EML2: variants seen among roughly 807,000 people sequenced by gnomAD.
EML2 encodes EMAP like 2, also known as echinoderm microtubule-associated protein-like 2.
In EML2, 59 loss-of-function variants were observed where a neutral mutation model predicts 84.7. The ratio of observed to expected loss-of-function variants is 0.70; its 90% confidence interval spans 0.56 to 0.86. The LOEUF is 0.86. Ranked by LOEUF, EML2 falls within the 40% of genes least tolerant of loss-of-function variation. The pLI is 0.00. For missense variants in EML2, 818 were observed against 855.6 expected (o/e 0.96, Z 0.55); for synonymous variants, 352 against 348.9 (o/e 1.01, Z -0.10).
At chr19:45,634,289 G>A in intron 4 of EML2, 33 bp downstream of exon 4, 1 of 1,611,610 alleles carries the variant, frequency 6.2e-7, no homozygotes, top group Non-Finnish European at 8.5e-7. Flanking sequence ...TCCAGCCACA[G>A]CTCCCTCCCG....
chr19:45,618,109 G>C lies in EML2; in HGVS notation c.1255-412C>G, dbSNP rs754927057. ...GATGGAGTTTCACTCTGTTGCCCAG[G>C]CTGGAGTGCAGTGGCACGGTCTCAG... On this transcript the variant is annotated intron_variant, in intron 12 of 18. Transcript: ENST00000245925. Among the ~76,000 whole-genome samples, 18 of 151,962 alleles carry C rather than the reference G, an allele frequency of 1.2e-4. No individual in the cohort carries two copies. The South Asian group carries it at 1.2e-3, about 11-fold the overall frequency.
At chr19:45,629,765 T>C (rs1486493017) in intron 7 of EML2, among the ~76,000 whole-genome samples, 186 bp downstream of exon 7, 1 of 151,718 alleles carries the variant, frequency 6.6e-6, no homozygotes, top group Non-Finnish European at 1.5e-5. Flanking sequence ...CAGCCTATTA[T>C]CCCCATATTA....
intron 7 of EML2, among the ~76,000 whole-genome samples, chr19:45,629,076 C>T (rs1314085007): frequency 1.3e-5 from 2 of 152,178 alleles, no homozygotes; most frequent in East Asian, 1.9e-4. Flanking sequence ...CCCATATCTC[C>T]ATATCCTCAC....
intron 4 of EML2, 99 bp downstream of exon 4, chr19:45,634,223 C>T: frequency 6.5e-7 from 1 of 1,535,504 alleles, no homozygotes. Flanking sequence ...TGCCCCAAAC[C>T]CCACAGGGTA....
Position 45,616,498 on chromosome 19 carries a change from T to G in EML2, c.1472A>C (p.Gln491Pro). 1 of 1,597,980 alleles carries G rather than the reference T, an allele frequency of 6.3e-7. No individual in the cohort carries two copies. The highest frequency in any genetic ancestry group is 8.6e-7 in the Non-Finnish European group (1 of 1,167,612). Residue 491 changes from glutamine (Q) to proline (P), a missense_variant, in exon 15 of 19, where the codon CAG (glutamine) becomes CCG (proline). Gln to Pro is a moderately conservative substitution (Grantham distance 76). Coordinates refer to ENST00000245925, the MANE Select transcript of EML2 (RefSeq NM_012155.4). ...DNLVYVYTVD[Q>P]GGRKVSRLGK... is the part of the protein sequence containing the mutation. The stretch of plus-strand genomic sequence containing the variant: ...CAGGCGGCTGACCTTGCGGCCGCCC[T>G]GGTCCACCGTGTACACGTACACCAA...
At chr19:45,643,601 C>T, upstream of EML2, 2 of 1,536,170 alleles carry the variant, frequency 1.3e-6, no homozygotes, top group Non-Finnish European at 8.7e-7. Context: ...CTGACCACAA[C>T]CAAGGAAGCC....
At position 45,615,866 on chromosome 19, in the gene EML2, G is replaced by T. The variant is rs778533188; in HGVS notation, c.1533C>A (p.His511Gln). 1.9e-6 allele frequency: 3 copies of T among 1,614,016 alleles called. No individual in the cohort carries two copies. The South Asian group carries it at 3.3e-5, about 18-fold the overall frequency. Residue 511 changes from histidine (H) to glutamine (Q), a missense_variant, in exon 16 of 19, where the codon CAC becomes CAA. His to Gln is a conservative substitution (Grantham distance 24). Coordinates refer to ENST00000245925, the MANE Select transcript of EML2 (RefSeq NM_012155.4). ...AGCTGCTGTCCTGGGCCCAATCCAG[G>T]TGGGTGATAAAACTGGAATGGCCCT... The part of the protein sequence containing the change: ...KCSGHSSFIT[H>Q]LDWAQDSSCF...
chr19:45,613,473 G>A lies in EML2; in HGVS notation c.1824+68C>T, dbSNP rs1172204818. 6 of 1,577,478 alleles carry A rather than the reference G, an allele frequency of 3.8e-6. No individual in the cohort carries two copies. In the Admixed American group the frequency reaches 6.8e-5, roughly 18 times the overall value. The stretch of plus-strand genomic sequence containing the variant: ...AGAGAAGGGGTGGGGTTGGACCAGA[G>A]CTGCCTGAATTTTGTCCCCACCCCT... On this transcript the variant is annotated intron_variant, in intron 18 of 18. Coordinates refer to ENST00000245925, the MANE Select transcript of EML2 (RefSeq NM_012155.4).
At chr19:45,614,548 G>A (rs1339558951) in intron 17 of EML2, 57 bp downstream of exon 17, 15 of 1,464,138 alleles carry the variant, frequency 1.0e-5, no homozygotes, top group South Asian at 2.3e-5. Flanking sequence ...AACCACCAGC[G>A]GGGATGTCTC....
Position 45,638,844 on chromosome 19 carries a change from C to T in EML2, c.49+1G>A, listed in dbSNP as rs1266417066. The T allele has an allele frequency of 1.2e-6, 2 of 1,613,780 alleles. No individual in the cohort carries two copies. Among genetic ancestry groups the T allele is most frequent in the Non-Finnish European group, 1.7e-6 (2 of 1,179,986 alleles). ...GAGCCCTTCCCCATCTCCCCACTCA[C>T]CCACACTGAAGATAACTTCTTTGGT... On this transcript the variant is annotated splice_donor_variant, in intron 2 of 18. Transcript: ENST00000245925. LOFTEE classifies it high-confidence loss of function.
chr19:45,626,587 T>A, intron 8 of EML2, 118 bp downstream of exon 8: 1 of 1,184,576 alleles, frequency 8.4e-7, no homozygotes, highest in Non-Finnish European at 1.2e-6. Context: ...GCAGGCAACA[T>A]CTCAGCGTCC....
chr19:45,632,513 TCA>T (rs1973175706), intron 6 of EML2: 1 of 199,806 alleles, frequency 5.0e-6, no homozygotes, highest in African/African-American at 2.4e-5. Flanking sequence ...AAGCCCACAA[TCA>T]CACACTTGGA....
chr19:45,621,064 G>T, intron 11 of EML2, 143 bp downstream of exon 11: 1 of 1,267,440 alleles, frequency 7.9e-7, no homozygotes, highest in Non-Finnish European at 1.1e-6. Flanking sequence ...TCCTGGGAAG[G>T]GGTCCTGGGT....
upstream of EML2, among the ~76,000 whole-genome samples, chr19:45,645,092 G>A (rs1361947630): frequency 2.0e-5 from 3 of 152,070 alleles, no homozygotes; most frequent in Non-Finnish European, 2.9e-5. Context: ...TGGATGGGGG[G>A]CTGGGATCTA....
chr19:45,642,542 T>C (rs763707618), upstream of EML2: 1 of 1,403,092 alleles, frequency 7.1e-7, no homozygotes, highest in Non-Finnish European at 9.2e-7. Flanking sequence ...CCCACAGCTC[T>C]CCAACCCATC....
rs1240316372 is a variant in EML2 at position 45,638,529 on chromosome 19, G to A, written c.155C>T (p.Ser52Phe). 7 of 1,613,986 alleles carry A rather than the reference G, an allele frequency of 4.3e-6. No individual in the cohort carries two copies. Among genetic ancestry groups the A allele is most frequent in the African/African-American group, 1.3e-5 (1 of 74,910 alleles). ...CACCCACTCCAGCTTGAGCCGGCAA[G>A]AAGGCAGCTCCGAGCGTGTGTCCAG... ...YSLDTRSELP[S>F]CRLKLEWVYG... is the part of the protein sequence containing the mutation. Residue 52 changes from serine to phenylalanine, a missense_variant, in exon 3 of 19, where the codon TCT becomes TTT. Physicochemically the swap from Ser to Phe is radical, Grantham distance 155 (BLOSUM62 -2). Transcript: ENST00000245925.
At chr19:45,629,928 G>A (rs763620026) in intron 7 of EML2, 23 bp downstream of exon 7, 16 of 1,586,336 alleles carry the variant, frequency 1.0e-5, no homozygotes, top group Admixed American at 1.0e-4. Context: ...CCCAGCAGGA[G>A]GGGATGAGAA....
chr19:45,616,050 G>A, intron 15 of EML2, 161 bp from the exon 16 acceptor site: 1 of 636,522 alleles, frequency 1.6e-6, no homozygotes, highest in South Asian at 1.8e-5. Context: ...TGGGGGCAGG[G>A]CCAGAATACT....
chr19:45,614,909 C>A (rs776915682), intron 16 of EML2: 4 of 495,032 alleles, frequency 8.1e-6, no homozygotes, highest in Non-Finnish European at 1.5e-5. Context: ...TTTAAACCCG[C>A]ATCTGGCCGG....
Sources: gnomAD v4.1 joint callset for allele counts (sites outside exome capture counted in the v4.1 genomes callset) on GRCh38, gnomAD v4.1.1 for gene constraint, MANE v1.5 for transcripts, NCBI Gene and HGNC (gene_info 2026-07-23, HGNC 2026-07-21) for gene names.